PIANP: variants seen among roughly 807,000 people sequenced by gnomAD.
PIANP encodes the protein PILR alpha-associated neural protein.
In PIANP, 14 loss-of-function variants were observed where a neutral mutation model predicts 28.9. That is an observed-to-expected ratio of 0.49 (90% confidence interval 0.32 to 0.76). The LOEUF is 0.76. Ranked by LOEUF, PIANP falls within the 30% of genes least tolerant of loss-of-function variation. PIANP has a pLI of 0.03. For synonymous variants in PIANP, 149 were observed against 156.6 expected (o/e 0.95, Z 0.36); for missense variants, 322 against 371.8 (o/e 0.87, Z 1.10).
Position 6,697,696 on chromosome 12 carries a change from G to A in PIANP, c.114C>T (p.Thr38=), listed in dbSNP as rs773370587. The A allele has an allele frequency of 2.6e-6, 4 of 1,555,642 alleles. No homozygotes were observed. Among genetic ancestry groups the A allele is most frequent in the Middle Eastern group, 1.8e-4 (1 of 5,598 alleles). Residue 38 remains threonine, a synonymous_variant, in exon 3 of 5, where the codon ACC becomes ACT. Coordinates refer to ENST00000534837, the MANE Select transcript of PIANP (RefSeq NM_001244014.2). The surrounding 1 kb of genome is among the most constrained non-coding windows in gnomAD (Gnocchi z 6.9). ...PAQGSSSSPR[T]PPAPARPPCA... is the part of the protein sequence containing the mutation. Reference sequence around the variant, plus strand: ...ACGGGGGGCGGGCTGGGGCTGGTGGGGTTCGAGGGGAGGATGAAGAGCCCT... The same window carrying A: ...ACGGGGGGCGGGCTGGGGCTGGTGGAGTTCGAGGGGAGGATGAAGAGCCCT...
In PIANP at chr12:6,700,801, G is replaced by T; in HGVS notation, c.-231C>A. On this transcript the variant is annotated 5_prime_UTR_variant, in exon 1 of 5. Coordinates refer to ENST00000534837, the MANE Select transcript of PIANP (RefSeq NM_001244014.2). The surrounding 1 kb of genome is among the most constrained non-coding windows in gnomAD (Gnocchi z 5.5). ...CGGTGGGAGATGCTCGCCTCGGCTCGGCTCGGCTCGGCTCGGCTGGGCTCG... is the reference window on the plus strand; with the variant it reads ...CGGTGGGAGATGCTCGCCTCGGCTCTGCTCGGCTCGGCTCGGCTGGGCTCG... 1 of 152,082 alleles carries T rather than the reference G, an allele frequency of 6.6e-6. No individual in the cohort carries two copies. 9.4% of individuals were successfully genotyped at this position (152,082 alleles called of 1,614,324 possible).
rs1959840859 is a variant in PIANP, at chr12:6,695,715, C to G, written c.606-64G>C. 1 of 1,392,296 alleles carries G rather than the reference C, an allele frequency of 7.2e-7. No homozygotes were observed. The highest frequency in any genetic ancestry group is 9.4e-7 in the Non-Finnish European group (1 of 1,067,602). 86.2% of individuals were successfully genotyped at this position (1,392,296 alleles called of 1,614,324 possible). On this transcript the variant is annotated intron_variant, in intron 4 of 4. Transcript: ENST00000534837. This position sits in a 1 kb window ranked among gnomAD's most constrained non-coding sequence, Gnocchi z 4.2. Reference sequence around the variant, plus strand: ...AAGTAGCCCCCATCCTGGGCCTGCACCAGTGGTCACCCCCAGCCTCGCCCA... The same window carrying G: ...AAGTAGCCCCCATCCTGGGCCTGCAGCAGTGGTCACCCCCAGCCTCGCCCA...
rs1959893071 is a variant in PIANP at position 6,697,297 on chromosome 12, G to A, written c.513C>T (p.Gly171=). Residue 171 remains glycine (G), a synonymous_variant, in exon 3 of 5, where the codon GGC becomes GGT. Transcript: ENST00000534837. This position sits in a 1 kb window ranked among gnomAD's most constrained non-coding sequence, Gnocchi z 6.9. ...PATLRPFLFG[G]RGEGVDPQLY... Reference sequence around the variant, plus strand: ...GCCTTTCCCACTCACCTTCCCCACGGCCCCCGAACAGGAATGGCCGCAGGG... The same window carrying A: ...GCCTTTCCCACTCACCTTCCCCACGACCCCCGAACAGGAATGGCCGCAGGG... 4 of 1,613,740 alleles carry A rather than the reference G, an allele frequency of 2.5e-6. No individual in the cohort carries two copies. The highest frequency in any genetic ancestry group is 1.7e-4 in the Middle Eastern group (1 of 6,060).
At position 6,696,580 on chromosome 12, in the gene PIANP, G is replaced by T; in HGVS notation, c.524-56C>A. On this transcript the variant is annotated intron_variant, in intron 3 of 4. Coordinates refer to ENST00000534837, the MANE Select transcript of PIANP (RefSeq NM_001244014.2). The surrounding 1 kb of genome is among the most constrained non-coding windows in gnomAD (Gnocchi z 4.0). ...GCCCCGAGGTGGTAGGAGCCAAGAG[G>T]GGCTGGGGGCTGGGCTGTGGGCTCT... The T allele has an allele frequency of 7.8e-7, 1 of 1,285,932 alleles. No individual in the cohort carries two copies. 79.7% of individuals were successfully genotyped at this position (1,285,932 alleles called of 1,614,324 possible).
chr12:6,698,909 G>A lies in PIANP; in HGVS notation c.-43-805C>T, dbSNP rs577469609. 4.8e-4 allele frequency among the ~76,000 whole-genome samples: 73 copies of A among 152,284 alleles called. 1 individual carries two copies. The highest frequency in any genetic ancestry group is 3.4e-3 in the Middle Eastern group (1 of 294). On this transcript the variant is annotated intron_variant, in intron 1 of 4. Transcript: ENST00000534837. ...AGGAGGGGCAGGCTCCCCAGAGGGAGTGAAGATAGGATACCCGTTTCCTGT... is the reference window on the plus strand; with the variant it reads ...AGGAGGGGCAGGCTCCCCAGAGGGAATGAAGATAGGATACCCGTTTCCTGT...
chr12:6,698,849 A>G (rs1009558929), intron 1 of PIANP, among the ~76,000 whole-genome samples: 2 of 152,136 alleles, frequency 1.3e-5, no homozygotes, highest in African/African-American at 4.8e-5. Flanking sequence ...TTGAAAGAGA[A>G]AGGGTGTGTT....
rs368830533 is a variant in PIANP at position 6,695,438 on chromosome 12, C to T, written c.819G>A (p.Gln273=). Reference sequence around the variant, plus strand: ...ATTGCCCCTGCCCTCACCGGTTCAACTGGAAGGCTGGAGCCCCCTTGGGGT... The same window carrying T: ...ATTGCCCCTGCCCTCACCGGTTCAATTGGAAGGCTGGAGCCCCCTTGGGGT... ...MPHPKGAPAF[Q]LNR The change falls in exon 5 of 5, where the codon CAG becomes CAA. Residue 273 remains glutamine (Q), a synonymous_variant. Coordinates refer to ENST00000534837, the MANE Select transcript of PIANP (RefSeq NM_001244014.2). The surrounding 1 kb of genome is among the most constrained non-coding windows in gnomAD (Gnocchi z 4.2). 33 of 1,492,460 alleles carry T rather than the reference C, an allele frequency of 2.2e-5. No homozygotes were observed. The highest frequency in any genetic ancestry group is 2.8e-5 in the South Asian group (2 of 70,580). The allele number at this position is 1,492,460 out of a possible 1,614,324, so 92.5% of individuals were successfully genotyped here.
rs752460451 is a variant in PIANP at position 6,697,632 on chromosome 12, C to T, written c.178G>A (p.Val60Met). ...GGPSAPRHVC[V>M]WERAPPPSRS... ...CTTGGTGGAGGTGCTCGCTCCCACA[C>T]GCACACATGACGTGGGGCCGAGGGG... The change falls in exon 3 of 5, where the codon GTG becomes ATG. Residue 60 changes from valine (V) to methionine (M), a missense_variant. Val to Met is a conservative substitution (Grantham distance 21, BLOSUM62 1). Transcript: ENST00000534837. This position sits in a 1 kb window ranked among gnomAD's most constrained non-coding sequence, Gnocchi z 6.9. 5 of 1,560,888 alleles carry T rather than the reference C, an allele frequency of 3.2e-6. No individual in the cohort carries two copies. The highest frequency in any genetic ancestry group is 3.5e-6 in the Non-Finnish European group (4 of 1,152,562).
At position 6,696,838 on chromosome 12, in the gene PIANP, T is replaced by C. The variant is rs1959879976; in HGVS notation, c.524-314A>G. Reference sequence around the variant, plus strand: ...TAAGGGGTGGAGATGTCCTAGTCTCTGCCATGGCCCAACTCCCAAACCACA... The same window carrying C: ...TAAGGGGTGGAGATGTCCTAGTCTCCGCCATGGCCCAACTCCCAAACCACA... On this transcript the variant is annotated intron_variant, in intron 3 of 4. Coordinates refer to ENST00000534837, the MANE Select transcript of PIANP (RefSeq NM_001244014.2). This position sits in a 1 kb window ranked among gnomAD's most constrained non-coding sequence, Gnocchi z 4.0. Among the ~76,000 whole-genome samples, 1 of 152,168 alleles carries C rather than the reference T, an allele frequency of 6.6e-6. No homozygotes were observed. Among genetic ancestry groups the C allele is most frequent in the African/African-American group, 2.4e-5 (1 of 41,440 alleles).
intron 1 of PIANP, among the ~76,000 whole-genome samples, chr12:6,699,500 C>T (rs1424937063): frequency 6.6e-6 from 1 of 151,398 alleles, no homozygotes; most frequent in East Asian, 1.9e-4. Flanking sequence ...AGAGTGGGTA[C>T]AGAAGACTCG....
chr12:6,694,974 TG>T lies in PIANP; in HGVS notation c.*451del. On this transcript the variant is annotated 3_prime_UTR_variant, in exon 5 of 5. Coordinates refer to ENST00000534837, the MANE Select transcript of PIANP (RefSeq NM_001244014.2). The surrounding 1 kb of genome is among the most constrained non-coding windows in gnomAD (Gnocchi z 6.1). ...CTCCCCACAGCTGCCCCACCCTCAGTGGGATGGGGGCTGTGCCGGCCCCTTG... is the reference window on the plus strand; with the variant it reads ...CTCCCCACAGCTGCCCCACCCTCAGTGGATGGGGGCTGTGCCGGCCCCTTG... 6.7e-7 allele frequency: 1 copy of T among 1,499,036 alleles called. No individual in the cohort carries two copies. The highest frequency in any genetic ancestry group is 8.9e-7 in the Non-Finnish European group (1 of 1,117,558). 92.9% of individuals were successfully genotyped at this position (1,499,036 alleles called of 1,614,324 possible). A position where few individuals can be genotyped will look rare whatever the true frequency, so the allele number is the denominator to read the frequency against.
chr12:6,699,404 A>G (rs1027657228), intron 1 of PIANP, among the ~76,000 whole-genome samples: 11 of 152,138 alleles, frequency 7.2e-5, no homozygotes, highest in African/African-American at 2.4e-4. Context: ...GTGAGAGAGG[A>G]GAAATGTGAA....
Position 6,696,380 on chromosome 12 carries a change from T to G in PIANP, c.605+63A>C. On this transcript the variant is annotated intron_variant, in intron 4 of 4. Coordinates refer to ENST00000534837, the MANE Select transcript of PIANP (RefSeq NM_001244014.2). The surrounding 1 kb of genome is among the most constrained non-coding windows in gnomAD (Gnocchi z 4.0). ...AAATTGCTGCCACTGCCCCTCGTGG[T>G]TAGAGCCTCGACTGCCAAACATTCC... The G allele has an allele frequency of 6.9e-6, 9 of 1,299,296 alleles. No individual in the cohort carries two copies. Among genetic ancestry groups the G allele is most frequent in the Non-Finnish European group, 8.4e-6 (8 of 951,096 alleles). The allele number at this position is 1,299,296 out of a possible 1,614,324, so 80.5% of individuals were successfully genotyped here.
chr12:6,696,646 G>T lies in PIANP; in HGVS notation c.524-122C>A, dbSNP rs1216040136. 14 of 582,402 alleles carry T rather than the reference G, an allele frequency of 2.4e-5. No individual in the cohort carries two copies. Among genetic ancestry groups the T allele is most frequent in the Non-Finnish European group, 3.7e-5 (13 of 355,040 alleles). 36.1% of individuals were successfully genotyped at this position (582,402 alleles called of 1,614,324 possible). ...ATTGCTGTGTGGATCCACACTGCCG[G>T]CTCTGTCTGCCCCTCTGGAGCCTCA... On this transcript the variant is annotated intron_variant, in intron 3 of 4. Transcript: ENST00000534837. This position sits in a 1 kb window ranked among gnomAD's most constrained non-coding sequence, Gnocchi z 4.0.
chr12:6,692,491 C>T (rs1959724562), downstream of PIANP, among the ~76,000 whole-genome samples: 1 of 152,196 alleles, frequency 6.6e-6, no homozygotes. Flanking sequence ...CTATCCCACC[C>T]TCCTTGGATC....
At position 6,697,362 on chromosome 12, in the gene PIANP, C is replaced by T; in HGVS notation, c.448G>A (p.Gly150Ser). ...CCAAGGATAAGCCCATCTCCATCAC[C>T]TCGCATGGAGTCTGAGTTGGGGTGT... ...TPHPNSDSMR[G>S]DGDGLILGEA... The change falls in exon 3 of 5, where the codon GGT becomes AGT. Residue 150 changes from glycine (G) to serine (S), a missense_variant. Gly to Ser is a moderately conservative substitution (Grantham distance 56). Coordinates refer to ENST00000534837, the MANE Select transcript of PIANP (RefSeq NM_001244014.2). This position sits in a 1 kb window ranked among gnomAD's most constrained non-coding sequence, Gnocchi z 6.9. 1.2e-6 allele frequency: 2 copies of T among 1,614,062 alleles called. No homozygotes were observed. Among genetic ancestry groups the T allele is most frequent in the Non-Finnish European group, 1.7e-6 (2 of 1,179,902 alleles).
rs371265054 is a variant in PIANP at position 6,695,478 on chromosome 12, C to A, written c.779G>T (p.Arg260Leu). Reference sequence around the variant, plus strand: ...CCCCTTGGGGTGGGGCATCCCAGGCCGGGGTCCCCCTCGGGGCTCCTCATG... The same window carrying A: ...CCCCTTGGGGTGGGGCATCCCAGGCAGGGGTCCCCCTCGGGGCTCCTCATG... ...PDHEEPRGGP[R>L]PGMPHPKGAP... Residue 260 changes from arginine to leucine, a missense_variant, in exon 5 of 5, where the codon CGG (arginine) becomes CTG (leucine). Coordinates refer to ENST00000534837, the MANE Select transcript of PIANP (RefSeq NM_001244014.2). This position sits in a 1 kb window ranked among gnomAD's most constrained non-coding sequence, Gnocchi z 4.2. The A allele has an allele frequency of 4.1e-5, 62 of 1,522,674 alleles. No individual in the cohort carries two copies. Among genetic ancestry groups the A allele is most frequent in the Admixed American group, 1.9e-4 (9 of 47,966 alleles). The allele number at this position is 1,522,674 out of a possible 1,614,324, so 94.3% of individuals were successfully genotyped here. A position where few individuals can be genotyped will look rare whatever the true frequency, so the allele number is the denominator to read the frequency against.
At position 6,696,354 on chromosome 12, in the gene PIANP, A is replaced by C; in HGVS notation, c.605+89T>G. On this transcript the variant is annotated intron_variant, in intron 4 of 4. Coordinates refer to ENST00000534837, the MANE Select transcript of PIANP (RefSeq NM_001244014.2). This position sits in a 1 kb window ranked among gnomAD's most constrained non-coding sequence, Gnocchi z 4.0. ...CAGCATTTCCCACCCACCCCCCAGC[A>C]AAATTGCTGCCACTGCCCCTCGTGG... is the stretch of plus-strand genomic sequence containing the variant. 1 of 987,262 alleles carries C rather than the reference A, an allele frequency of 1.0e-6. No homozygotes were observed. Among genetic ancestry groups the C allele is most frequent in the Non-Finnish European group, 1.4e-6 (1 of 697,226 alleles). 61.2% of individuals were successfully genotyped at this position (987,262 alleles called of 1,614,324 possible).
At chr12:6,699,486 G>T (rs1166157882) in intron 1 of PIANP, among the ~76,000 whole-genome samples, 2 of 152,140 alleles carry the variant, frequency 1.3e-5, no homozygotes, top group Non-Finnish European at 1.5e-5. Context: ...GGGAAGAGAG[G>T]AGGAGAGTGG....
Sources: allele counts gnomAD v4.1 joint callset (sites outside exome capture counted in the v4.1 genomes callset), GRCh38; gene constraint gnomAD v4.1.1; non-coding constraint Gnocchi (gnomAD v3.1); transcripts MANE v1.5; gene names NCBI Gene and HGNC (gene_info 2026-07-23, HGNC 2026-07-21).